Variants in LRMDA observed in about 807,000 individuals in gnomAD.
The protein encoded by LRMDA is leucine-rich melanocyte differentiation-associated protein.
A neutral mutation model predicts 29.8 loss-of-function variants in LRMDA; 18 were observed. The ratio of observed to expected loss-of-function variants is 0.60; its 90% confidence interval spans 0.42 to 0.90. The LOEUF is 0.90. Among genes scored for constraint, LRMDA ranks in the 40% least tolerant of loss-of-function variants. The pLI, the probability that LRMDA is intolerant of heterozygous loss-of-function variation, is 0.00. For synonymous variants in LRMDA, 125 were observed against 109.4 expected (o/e 1.14, Z -0.89); for missense variants, 273 against 273.9 (o/e 1.00, Z 0.02).
intron 2 of LRMDA, among the ~76,000 whole-genome samples, chr10:75,635,263 A>C (rs1225398073): frequency 6.6e-6 from 1 of 152,020 alleles, no homozygotes; most frequent in African/African-American, 2.4e-5. Flanking sequence ...AGCAGTTACT[A>C]TTATTTAAGT....
At chr10:76,006,261 T>G (rs1352740509) in intron 2 of LRMDA, among the ~76,000 whole-genome samples, 6 of 152,108 alleles carry the variant, frequency 3.9e-5, no homozygotes, top group Admixed American at 2.6e-4. Flanking sequence ...GAGCTCCCTG[T>G]GCGGCGGCTG....
intron 2 of LRMDA, among the ~76,000 whole-genome samples, chr10:75,621,521 C>G (rs904254411): frequency 6.6e-5 from 10 of 152,150 alleles, no homozygotes; most frequent in Admixed American, 4.6e-4. Context: ...GGAAGCTATT[C>G]CTTTTCCATT....
chr10:76,124,835 A>G (rs1339981873), intron 5 of LRMDA, among the ~76,000 whole-genome samples: 1 of 152,202 alleles, frequency 6.6e-6, no homozygotes, highest in Admixed American at 6.5e-5. Flanking sequence ...TCCTTAAATA[A>G]TCTCACCAAC....
intron 2 of LRMDA, among the ~76,000 whole-genome samples, chr10:76,017,173 C>T (rs1042152271): frequency 3.9e-5 from 6 of 152,314 alleles, no homozygotes; most frequent in East Asian, 1.9e-4. Context: ...ATGTGTGGGG[C>T]GGACGCCGCA....
At chr10:76,191,326 C>T (rs936321197) in intron 5 of LRMDA, among the ~76,000 whole-genome samples, 1 of 152,154 alleles carries the variant, frequency 6.6e-6, no homozygotes, top group African/African-American at 2.4e-5. Flanking sequence ...TGAGTGTCCC[C>T]TCCCCATTTT....
chr10:75,494,735 A>G (rs1845025735), intron 2 of LRMDA, among the ~76,000 whole-genome samples: 1 of 152,080 alleles, frequency 6.6e-6, no homozygotes, highest in South Asian at 2.1e-4. Flanking sequence ...TTCTGGCCTC[A>G]AGTGATCCAC....
chr10:76,270,400 A>G (rs1413017010), intron 5 of LRMDA: 4 of 152,368 alleles, frequency 2.6e-5, no homozygotes, highest in Admixed American at 2.0e-4. Context: ...TAAAGACCCA[A>G]GTCAGGAATC....
intron 2 of LRMDA, chr10:75,451,432 C>T (rs1284175804): frequency 1.3e-5 from 2 of 152,064 alleles, no homozygotes; most frequent in Admixed American, 6.5e-5. Context: ...GTGGGTACAT[C>T]GCGTGCTCAA....
At chr10:75,797,696 C>A (rs934307065) in intron 2 of LRMDA, among the ~76,000 whole-genome samples, 1 of 152,118 alleles carries the variant, frequency 6.6e-6, no homozygotes, top group African/African-American at 2.4e-5. Flanking sequence ...TTTTGAGATT[C>A]ATTCGTTTTG....
chr10:75,900,599 G>C (rs893618710), intron 2 of LRMDA, among the ~76,000 whole-genome samples: 1 of 152,154 alleles, frequency 6.6e-6, no homozygotes, highest in Non-Finnish European at 1.5e-5. Flanking sequence ...CCTGTGCAGT[G>C]CATTGCCCCC....
intron 5 of LRMDA, among the ~76,000 whole-genome samples, chr10:76,213,938 G>A (rs570918199): frequency 6.6e-6 from 1 of 151,006 alleles, no homozygotes; most frequent in East Asian, 1.9e-4. Context: ...ACTATAGCTA[G>A]GGGGAATTGC....
intron 5 of LRMDA, among the ~76,000 whole-genome samples, chr10:76,258,342 A>G (rs1016621064): frequency 2.6e-5 from 4 of 152,118 alleles, no homozygotes; most frequent in African/African-American, 9.7e-5. Flanking sequence ...GGCATATAAT[A>G]CTTGTACATA....
chr10:76,236,142 C>T (rs1254560251), intron 5 of LRMDA, among the ~76,000 whole-genome samples: 1 of 152,082 alleles, frequency 6.6e-6, no homozygotes, highest in Non-Finnish European at 1.5e-5. Flanking sequence ...AGGTTAGAAC[C>T]CAGACAGTCT....
chr10:76,027,558 T>G (rs1848082355), intron 2 of LRMDA, among the ~76,000 whole-genome samples: 2 of 152,130 alleles, frequency 1.3e-5, no homozygotes, highest in Non-Finnish European at 2.9e-5. Context: ...TTAAGTGTGT[T>G]TGTGTATGTG....
intron 5 of LRMDA, among the ~76,000 whole-genome samples, chr10:76,225,668 A>G (rs1230302357): frequency 6.7e-6 from 1 of 150,034 alleles, no homozygotes; most frequent in Non-Finnish European, 1.5e-5. Flanking sequence ...ACACTGCTGT[A>G]AAGAAATATC....
intron 2 of LRMDA, among the ~76,000 whole-genome samples, chr10:75,589,905 G>T (rs191826255): frequency 6.6e-6 from 1 of 152,046 alleles, no homozygotes; most frequent in Non-Finnish European, 1.5e-5. Context: ...TGATTGAATG[G>T]TAAACTTGTT....
chr10:75,738,490 CAG>C (rs1444483805), intron 2 of LRMDA, among the ~76,000 whole-genome samples: 1 of 152,188 alleles, frequency 6.6e-6, no homozygotes, highest in East Asian at 1.9e-4. Context: ...CAACTGGGAA[CAG>C]ACCAATTGTT....
chr10:75,466,958 A>G (rs938848618), intron 2 of LRMDA, among the ~76,000 whole-genome samples: 43 of 151,232 alleles, frequency 2.8e-4, no homozygotes, highest in African/African-American at 1.0e-3. Context: ...TTTTTTTTCC[A>G]GTGACTCAGT....
At chr10:75,941,730 C>A (rs1589261027) in intron 2 of LRMDA, among the ~76,000 whole-genome samples, 1 of 152,106 alleles carries the variant, frequency 6.6e-6, no homozygotes, top group Non-Finnish European at 1.5e-5. Flanking sequence ...CCATGCAGAC[C>A]ACAAACCACT....
Sources: gnomAD v4.1 joint callset for allele counts (sites outside exome capture counted in the v4.1 genomes callset) on GRCh38, gnomAD v4.1.1 for gene constraint, MANE v1.5 for transcripts, NCBI Gene and HGNC (gene_info 2026-07-23, HGNC 2026-07-21) for gene names.